Variants in OR4M1 observed in about 807,000 individuals in gnomAD.
The protein encoded by OR4M1 is olfactory receptor family 4 subfamily M member 1, also known as olfactory receptor 4M1.
A neutral mutation model predicts 9.8 loss-of-function variants in OR4M1; 7 were observed. The ratio of observed to expected loss-of-function variants is 0.71; its 90% confidence interval spans 0.41 to 1.34. The LOEUF (loss-of-function observed/expected upper bound fraction) is 1.34, where lower values mean the gene tolerates loss of function less well. Among genes scored for constraint, OR4M1 ranks in the 40% most tolerant of loss-of-function variants. OR4M1 has a pLI of 0.01. For missense variants in OR4M1, 331 were observed against 380.4 expected, an observed-to-expected ratio of 0.87 and a Z score of 1.08; for synonymous variants, 121 against 139.8, an observed-to-expected ratio of 0.87 and a Z score of 0.95.
intron 1 of OR4M1, among the ~76,000 whole-genome samples, chr14:19,775,286 T>C (rs1339389577): frequency 1.3e-5 from 2 of 152,210 alleles, no homozygotes; most frequent in African/African-American, 2.4e-5. Flanking sequence ...ACTCCTCCTA[T>C]AGCTTATTGA....
chr14:19,779,254 T>G (rs1427925539), intron 1 of OR4M1, among the ~76,000 whole-genome samples: 1 of 152,238 alleles, frequency 6.6e-6, no homozygotes, highest in Non-Finnish European at 1.5e-5. Flanking sequence ...TAAAAATTCC[T>G]TTTAATATTT....
rs141401181 is a variant in OR4M1 at position 19,780,790 on chromosome 14, T to C, written c.468T>C (p.Ser156=). The change falls in exon 2 of 2, where the codon TCT becomes TCC. Residue 156 remains serine (S), a synonymous_variant. Coordinates refer to ENST00000641200, the MANE Select transcript of OR4M1 (RefSeq NM_001005500.2). ...ALSWMGGFIH[S]IIQVALIVRL... ...CCTGGATGGGGGGCTTCATTCATTC[T>C]ATAATACAGGTGGCTCTCATTGTTC... 6.2e-7 allele frequency: 1 copy of C among 1,614,128 alleles called. No individual in the cohort carries two copies. Among genetic ancestry groups the C allele is most frequent in the Non-Finnish European group, 8.5e-7 (1 of 1,180,052 alleles).
chr14:19,777,677 A>G (rs1228175072), intron 1 of OR4M1, among the ~76,000 whole-genome samples: 2 of 152,234 alleles, frequency 1.3e-5, no homozygotes, highest in African/African-American at 4.8e-5. Flanking sequence ...TGAATAGTTT[A>G]TAGAAGTGAC....
intron 1 of OR4M1, among the ~76,000 whole-genome samples, chr14:19,776,029 C>T (rs1373103668): frequency 6.6e-6 from 1 of 152,246 alleles, no homozygotes; most frequent in African/African-American, 2.4e-5. Flanking sequence ...CTATACCCGT[C>T]TATATGGTGA....
At chr14:19,773,965 A>G (rs78783513) in intron 1 of OR4M1, among the ~76,000 whole-genome samples, 1,966 of 151,700 alleles carry the variant, frequency 0.013, 1 homozygote, top group Middle Eastern at 0.02. Context: ...TGTTAAAATA[A>G]ACTTCCAAAA....
At chr14:19,783,692 CCTT>C (rs1380104401) in exon 2 of OR4M1, 1 of 152,268 alleles carries the variant, frequency 6.6e-6, no homozygotes, top group Non-Finnish European at 1.5e-5. Context: ...TCCTAGTCCT[CCTT>C]CTTTCAAAAC....
Position 19,780,839 on chromosome 14 carries a change from G to A in OR4M1, c.517G>A (p.Glu173Lys), listed in dbSNP as rs1566452499. The A allele has an allele frequency of 1.2e-6, 2 of 1,614,218 alleles. No homozygotes were observed. Among genetic ancestry groups the A allele is most frequent in the South Asian group, 1.1e-5 (1 of 91,086 alleles). ...TCGACTTCCTTTCTGTGGGCCCAAT[G>A]AGTTAGACAGTTACTTCTGTGACAT... The part of the protein sequence containing the change: ...IVRLPFCGPN[E>K]LDSYFCDITQ... The change falls in exon 2 of 2, where the codon GAG (glutamate) becomes AAG (lysine). Residue 173 changes from glutamate (E) to lysine (K), a missense_variant. Physicochemically the swap from Glu to Lys is moderately conservative, Grantham distance 56 (BLOSUM62 1). Coordinates refer to ENST00000641200, the MANE Select transcript of OR4M1 (RefSeq NM_001005500.2).
In OR4M1 at chr14:19,780,696, C is replaced by G. The variant is rs1878456821; in HGVS notation, c.374C>G (p.Ala125Gly). The G allele has an allele frequency of 6.2e-7, 1 of 1,614,150 alleles. No individual in the cohort carries two copies. Among genetic ancestry groups the G allele is most frequent in the Non-Finnish European group, 8.5e-7 (1 of 1,180,052 alleles). Residue 125 changes from alanine (A) to glycine (G), a missense_variant, in exon 2 of 2, where the codon GCT becomes GGT. Ala to Gly is a moderately conservative substitution (Grantham distance 60). This residue lies in a region of OR4M1 where 209 missense variants were observed against 200.0 expected (regional missense o/e 1.04). Coordinates refer to ENST00000641200, the MANE Select transcript of OR4M1 (RefSeq NM_001005500.2). ...LTVMAYDRYA[A>G]ICRPLHYATI... Reference sequence around the variant, plus strand: ...GTGATGGCCTATGACCGCTATGCTGCTATCTGCCGACCCCTCCACTATGCT... The same window carrying G: ...GTGATGGCCTATGACCGCTATGCTGGTATCTGCCGACCCCTCCACTATGCT...
At chr14:19,777,070 A>C (rs1878338343) in intron 1 of OR4M1, among the ~76,000 whole-genome samples, 1 of 107,694 alleles carries the variant, frequency 9.3e-6, no homozygotes, top group African/African-American at 3.5e-5. Context: ...TTTTTCCTGT[A>C]ATGTTGTCTT....
Position 19,782,619 on chromosome 14 carries a change from G to T in OR4M1, c.*1355G>T, listed in dbSNP as rs372665245. 1 of 152,172 alleles carries T rather than the reference G, an allele frequency of 6.6e-6. No individual in the cohort carries two copies. Among genetic ancestry groups the T allele is most frequent in the Non-Finnish European group, 1.5e-5 (1 of 68,030 alleles). 9.4% of individuals were successfully genotyped at this position (152,172 alleles called of 1,614,324 possible). A position where few individuals can be genotyped will look rare whatever the true frequency, so the allele number is the denominator to read the frequency against. On this transcript the variant is annotated 3_prime_UTR_variant, in exon 2 of 2. Transcript: ENST00000641200. Reference sequence around the variant, plus strand: ...ATTTATGCCAGACCCAGTGTACCTCGGATGCACAGGATGGAATGGTGGTAC... The same window carrying T: ...ATTTATGCCAGACCCAGTGTACCTCTGATGCACAGGATGGAATGGTGGTAC...
Position 19,780,791 on chromosome 14 carries a change from A to G in OR4M1, c.469A>G (p.Ile157Val), listed in dbSNP as rs773544136. 1.2e-5 allele frequency: 19 copies of G among 1,614,094 alleles called. No individual in the cohort carries two copies. Among genetic ancestry groups the G allele is most frequent in the South Asian group, 2.2e-5 (2 of 91,092 alleles). The change falls in exon 2 of 2, where the codon ATA (isoleucine) becomes GTA (valine). Residue 157 changes from isoleucine to valine, a missense_variant. Coordinates refer to ENST00000641200, the MANE Select transcript of OR4M1 (RefSeq NM_001005500.2). ...CTGGATGGGGGGCTTCATTCATTCT[A>G]TAATACAGGTGGCTCTCATTGTTCG... ...LSWMGGFIHS[I>V]IQVALIVRLP...
At chr14:19,778,756 A>G (rs1266798896) in intron 1 of OR4M1, among the ~76,000 whole-genome samples, 2 of 152,220 alleles carry the variant, frequency 1.3e-5, no homozygotes, top group East Asian at 1.9e-4. Context: ...AGGTAAGTAC[A>G]GTAAGATCAT....
At chr14:19,776,275 C>A (rs1290398746) in intron 1 of OR4M1, among the ~76,000 whole-genome samples, 1 of 152,194 alleles carries the variant, frequency 6.6e-6, no homozygotes, top group African/African-American at 2.4e-5. Context: ...AGTTAAAAAT[C>A]CCTCCTTTTG....
chr14:19,780,175 A>G, intron 1 of OR4M1, 119 bp from the exon 2 acceptor site: 1 of 921,906 alleles, frequency 1.1e-6, no homozygotes, highest in South Asian at 2.0e-5. Flanking sequence ...AAAATGGGCA[A>G]CCAAATGTAT....
At chr14:19,780,195 ATC>A in intron 1 of OR4M1, 97 bp from the exon 2 acceptor site, 1 of 1,059,894 alleles carries the variant, frequency 9.4e-7, no homozygotes, top group South Asian at 1.7e-5. Flanking sequence ...TCCTCATGTA[ATC>A]TGTTAGTGAC....
In OR4M1 at chr14:19,783,565, G is replaced by A. The variant is rs1280032007; in HGVS notation, c.*2301G>A. On this transcript the variant is annotated 3_prime_UTR_variant, in exon 2 of 2. Coordinates refer to ENST00000641200, the MANE Select transcript of OR4M1 (RefSeq NM_001005500.2). ...TTGAATATTGTTTCCAAATAGCTCAGTATCCTCAGCAATCACATACAAAAT... is the reference window on the plus strand; with the variant it reads ...TTGAATATTGTTTCCAAATAGCTCAATATCCTCAGCAATCACATACAAAAT... The A allele has an allele frequency of 6.6e-6, 1 of 152,290 alleles. No individual in the cohort carries two copies. Among genetic ancestry groups the A allele is most frequent in the Non-Finnish European group, 1.5e-5 (1 of 68,074 alleles). The allele number at this position is 152,290 out of a possible 1,614,324, so 9.4% of individuals were successfully genotyped here.
intron 1 of OR4M1, among the ~76,000 whole-genome samples, chr14:19,774,172 A>G (rs1594375049): frequency 6.6e-6 from 1 of 152,256 alleles, no homozygotes; most frequent in Admixed American, 6.5e-5. Flanking sequence ...GAAACTTAAA[A>G]GCAAAGAGAC....
chr14:19,778,412 T>C (rs1192471575), intron 1 of OR4M1, among the ~76,000 whole-genome samples: 1 of 152,216 alleles, frequency 6.6e-6, no homozygotes, highest in Non-Finnish European at 1.5e-5. Flanking sequence ...AAAAAGCATA[T>C]GATCTTGTAA....
chr14:19,777,737 G>A (rs1878353631), intron 1 of OR4M1, among the ~76,000 whole-genome samples: 1 of 152,196 alleles, frequency 6.6e-6, no homozygotes, highest in Non-Finnish European at 1.5e-5. Context: ...CAGGTAGATA[G>A]CTTTGTTTTG....
Sources: allele counts gnomAD v4.1 joint callset (sites outside exome capture counted in the v4.1 genomes callset), GRCh38; gene constraint gnomAD v4.1.1; regional missense constraint gnomAD v4.1.1; transcripts MANE v1.5; gene names NCBI Gene and HGNC (gene_info 2026-07-23, HGNC 2026-07-21).